The following LPP variants were observed in gnomAD, a reference collection of about 807,000 sequenced individuals.
LPP encodes the protein lipoma-preferred partner.
Under a neutral mutation model 60.4 loss-of-function variants are expected in LPP, and 38 were observed. The observed-to-expected ratio is 0.63, with a 90% CI of 0.49 to 0.83. The LOEUF (loss-of-function observed/expected upper bound fraction) is 0.83, where lower values mean the gene tolerates loss of function less well. Ranked by LOEUF, LPP falls within the 40% of genes least tolerant of loss-of-function variation. The pLI is 0.00. For synonymous variants in LPP, 328 were observed against 290.8 expected, an observed-to-expected ratio of 1.13 and a Z score of -1.30; for missense variants, 902 against 783.6, an observed-to-expected ratio of 1.15 and a Z score of -1.80.
chr3:188,779,667 T>C (rs1739007963), intron 9 of LPP, among the ~76,000 whole-genome samples: 2 of 152,062 alleles, frequency 1.3e-5, no homozygotes, highest in South Asian at 4.1e-4. Context: ...TAAATAAGTG[T>C]AATTCCAATG....
chr3:188,250,886 CTCTT>C (rs1465050928), intron 2 of LPP, among the ~76,000 whole-genome samples: 50 of 141,972 alleles, frequency 3.5e-4, no homozygotes, highest in Non-Finnish European at 2.3e-4. Context: ...CACTCTCTCT[CTCTT>C]TCTTTCTTCT....
intron 3 of LPP, among the ~76,000 whole-genome samples, chr3:188,373,711 T>A (rs1458611943): frequency 0.01 from 1,579 of 151,972 alleles, 24 homozygotes; most frequent in African/African-American, 0.034. Flanking sequence ...CTTTAGTTTA[T>A]TTAGATCCCA....
intron 2 of LPP, among the ~76,000 whole-genome samples, chr3:188,321,128 C>T (rs935411614): frequency 6.6e-6 from 1 of 152,190 alleles, no homozygotes; most frequent in Admixed American, 6.5e-5. Flanking sequence ...CTGGGTCTGC[C>T]TGTGGGAGTA....
At chr3:188,767,533 A>C (rs1365045294) in intron 9 of LPP, among the ~76,000 whole-genome samples, 1 of 152,156 alleles carries the variant, frequency 6.6e-6, no homozygotes. Flanking sequence ...ATCCACATAC[A>C]CTGATCTATG....
At chr3:188,650,695 G>C (rs1045033529) in intron 7 of LPP, among the ~76,000 whole-genome samples, 1 of 152,142 alleles carries the variant, frequency 6.6e-6, no homozygotes, top group Non-Finnish European at 1.5e-5. Context: ...TAGGGCATTT[G>C]ATTATTAGGA....
chr3:188,423,182 G>A (rs1311194850), intron 4 of LPP, among the ~76,000 whole-genome samples: 1 of 151,824 alleles, frequency 6.6e-6, no homozygotes, highest in Non-Finnish European at 1.5e-5. Flanking sequence ...TCCCACTTAT[G>A]AGTGAGAACA....
rs897996689 is a variant in LPP at position 188,329,815 on chromosome 3, G to A, written c.-66-11848G>A. On this transcript the variant is annotated intron_variant, in intron 2 of 11. Transcript: ENST00000617246. ...AGTTGACTGTTCATTTTCTGAATAAGATGGAATTCTAGCTTTGTGGGGAAG... is the reference window on the plus strand; with the variant it reads ...AGTTGACTGTTCATTTTCTGAATAAAATGGAATTCTAGCTTTGTGGGGAAG... Among the ~76,000 whole-genome samples, 13 of 152,242 alleles carry A rather than the reference G, an allele frequency of 8.5e-5. No individual in the cohort carries two copies. The East Asian group carries it at 2.5e-3, about 29-fold the overall frequency.
intron 9 of LPP, among the ~76,000 whole-genome samples, chr3:188,805,303 T>C (rs1748757437): frequency 6.6e-6 from 1 of 151,978 alleles, no homozygotes; most frequent in Admixed American, 6.6e-5. Flanking sequence ...AGTTTGCCAG[T>C]GAAGCCATCT....
chr3:188,717,062 G>T (rs1012557823), intron 8 of LPP, among the ~76,000 whole-genome samples: 1 of 152,194 alleles, frequency 6.6e-6, no homozygotes, highest in Non-Finnish European at 1.5e-5. Flanking sequence ...GGGATATGAA[G>T]AAATGAAAGA....
intron 5 of LPP, among the ~76,000 whole-genome samples, chr3:188,495,687 C>A (rs557798999): frequency 6.6e-5 from 10 of 152,232 alleles, no homozygotes; most frequent in African/African-American, 2.4e-4. Context: ...CTGACAAACC[C>A]CTTGTTGATT....
At chr3:188,575,310 C>T (rs1190280822) in intron 6 of LPP, among the ~76,000 whole-genome samples, 1 of 152,090 alleles carries the variant, frequency 6.6e-6, no homozygotes, top group East Asian at 1.9e-4. Flanking sequence ...TTTTCCTAGT[C>T]TCTGAATGTC....
In LPP at chr3:188,265,560, T is replaced by G. The variant is rs190819181; in HGVS notation, c.-67+40033T>G. On this transcript the variant is annotated intron_variant, in intron 2 of 11. Coordinates refer to ENST00000617246, the MANE Select transcript of LPP (RefSeq NM_001375462.1). ...GGAACGCTGTGAGAAGGCAAGGTGT[T>G]CTGTTTGTGCCATTGGGGAGGGCTT... is the stretch of plus-strand genomic sequence containing the variant. Among the ~76,000 whole-genome samples, 64 of 152,252 alleles carry G rather than the reference T, an allele frequency of 4.2e-4. No homozygotes were observed. In the South Asian group the frequency reaches 6.6e-3, roughly 16 times the overall value.
At chr3:188,547,505 C>T (rs543417034) in intron 6 of LPP, among the ~76,000 whole-genome samples, 50 of 152,214 alleles carry the variant, frequency 3.3e-4, no homozygotes, top group African/African-American at 5.8e-4. Context: ...TATAAAGCTG[C>T]GGGCCTGTCT....
At chr3:188,484,194 A>C (rs943821339) in intron 4 of LPP, among the ~76,000 whole-genome samples, 4 of 152,274 alleles carry the variant, frequency 2.6e-5, no homozygotes, top group South Asian at 4.2e-4. Flanking sequence ...GAGGTTATTC[A>C]TGCATCTTTA....
chr3:188,846,050 CAATG>C (rs1038020412), intron 9 of LPP, among the ~76,000 whole-genome samples: 1 of 152,176 alleles, frequency 6.6e-6, no homozygotes, highest in Non-Finnish European at 1.5e-5. Flanking sequence ...AGTCATTAGT[CAATG>C]AACACTTATT....
At chr3:188,739,188 A>G (rs1465111841) in intron 8 of LPP, among the ~76,000 whole-genome samples, 1 of 152,142 alleles carries the variant, frequency 6.6e-6, no homozygotes, top group Non-Finnish European at 1.5e-5. Flanking sequence ...AAGGCTTTAT[A>G]AACAACCCTA....
intron 2 of LPP, among the ~76,000 whole-genome samples, chr3:188,275,842 A>AT (rs1217995693): frequency 2.0e-5 from 3 of 151,762 alleles, no homozygotes; most frequent in Non-Finnish European, 2.9e-5. Context: ...CACCTGGCTA[A>AT]TTTTTTTGTT....
At chr3:188,847,493 G>A (rs1021669087) in intron 9 of LPP, among the ~76,000 whole-genome samples, 2 of 152,250 alleles carry the variant, frequency 1.3e-5, no homozygotes, top group Non-Finnish European at 1.5e-5. Context: ...AGATGACAGT[G>A]TATTCAATGT....
At chr3:188,384,000 C>T (rs1777543562) in intron 3 of LPP, among the ~76,000 whole-genome samples, 1 of 152,144 alleles carries the variant, frequency 6.6e-6, no homozygotes, top group East Asian at 1.9e-4. Flanking sequence ...TTGTTTTACA[C>T]GTTCCTCTCC....
Sources: gnomAD v4.1 joint callset for allele counts (sites outside exome capture counted in the v4.1 genomes callset) on GRCh38, gnomAD v4.1.1 for gene constraint, MANE v1.5 for transcripts, NCBI Gene and HGNC (gene_info 2026-07-23, HGNC 2026-07-21) for gene names.